The following IGSF21 variants were observed in gnomAD, a reference collection of about 807,000 sequenced individuals.
IGSF21 encodes immunoglobin superfamily member 21, also known as immunoglobulin superfamily member 21.
In IGSF21, 28 loss-of-function variants were observed where a neutral mutation model predicts 46.8. That is an observed-to-expected ratio of 0.60 (90% CI 0.44 to 0.82). IGSF21 has a LOEUF of 0.82. Ranked by LOEUF, IGSF21 falls within the 40% of genes least tolerant of loss-of-function variation. The probability of loss-of-function intolerance (pLI) is 0.00; values close to 1 mark genes in which losing one functional copy is unlikely to be tolerated. For missense variants in IGSF21, 624 were observed against 665.5 expected (o/e 0.94, Z 0.69); for synonymous variants, 284 against 273.6 (o/e 1.04, Z -0.38).
intron 2 of IGSF21, among the ~76,000 whole-genome samples, chr1:18,289,835 C>A (rs2085249390): frequency 6.6e-6 from 1 of 152,150 alleles, no homozygotes; most frequent in Non-Finnish European, 1.5e-5. Context: ...AGCAAAATCA[C>A]CCCCCAAGTG....
chr1:18,245,737 T>C (rs1173161217), intron 2 of IGSF21, among the ~76,000 whole-genome samples: 1 of 152,224 alleles, frequency 6.6e-6, no homozygotes, highest in Non-Finnish European at 1.5e-5. Flanking sequence ...CTGTTTCCTC[T>C]GCTGCTGTTG....
At chr1:18,125,216 C>T (rs2086265905) in intron 1 of IGSF21, among the ~76,000 whole-genome samples, 2 of 152,168 alleles carry the variant, frequency 1.3e-5, no homozygotes, top group South Asian at 4.1e-4. Context: ...CTGCGGGAAC[C>T]CACCTTCTTC....
At chr1:18,225,263 G>A (rs868472388) in intron 1 of IGSF21, among the ~76,000 whole-genome samples, 9 of 151,972 alleles carry the variant, frequency 5.9e-5, no homozygotes, top group African/African-American at 1.5e-4. Context: ...CTAAGACTGA[G>A]TGCGTATGCA....
intron 2 of IGSF21, among the ~76,000 whole-genome samples, chr1:18,230,020 T>C (rs920253530): frequency 6.6e-6 from 1 of 152,184 alleles, no homozygotes; most frequent in Non-Finnish European, 1.5e-5. Flanking sequence ...GGCACCTCAT[T>C]GCCTTCCAAG....
At chr1:18,215,272 C>G (rs1334992753) in intron 1 of IGSF21, among the ~76,000 whole-genome samples, 1 of 152,218 alleles carries the variant, frequency 6.6e-6, no homozygotes, top group Non-Finnish European at 1.5e-5. Context: ...TTCATTCATT[C>G]ATTCAATGTG....
chr1:18,293,249 G>A (rs1424956152), intron 3 of IGSF21, among the ~76,000 whole-genome samples: 1 of 152,198 alleles, frequency 6.6e-6, no homozygotes, highest in African/African-American at 2.4e-5. Context: ...AATGAAATTT[G>A]CAAAATGAGT....
intron 1 of IGSF21, among the ~76,000 whole-genome samples, chr1:18,120,239 G>C (rs1432769172): frequency 6.6e-6 from 1 of 152,340 alleles, no homozygotes; most frequent in South Asian, 2.1e-4. Context: ...TGGAGGAGTA[G>C]ATGTAACCAG....
chr1:18,176,526 A>G (rs1194699673), intron 1 of IGSF21, among the ~76,000 whole-genome samples: 1 of 152,194 alleles, frequency 6.6e-6, no homozygotes, highest in Non-Finnish European at 1.5e-5. Flanking sequence ...GATACAATCT[A>G]ATAAGTAGGG....
At chr1:18,147,981 C>A (rs1006497200) in intron 1 of IGSF21, among the ~76,000 whole-genome samples, 1 of 152,068 alleles carries the variant, frequency 6.6e-6, no homozygotes, top group Non-Finnish European at 1.5e-5. Flanking sequence ...TGTTTTCCTG[C>A]AGAAGTTTTC....
intron 2 of IGSF21, among the ~76,000 whole-genome samples, chr1:18,267,047 T>C (rs1198304256): frequency 2.6e-5 from 4 of 152,198 alleles, no homozygotes; most frequent in Non-Finnish European, 5.9e-5. Flanking sequence ...GTCTCTGCCC[T>C]TGGAGAGCCC....
chr1:18,321,987 G>T (rs1434364310), intron 3 of IGSF21, among the ~76,000 whole-genome samples: 1 of 152,178 alleles, frequency 6.6e-6, no homozygotes, highest in Non-Finnish European at 1.5e-5. Flanking sequence ...TTTACAGATG[G>T]GGAAACTGAG....
At chr1:18,303,746 G>A (rs2085384510) in intron 3 of IGSF21, among the ~76,000 whole-genome samples, 1 of 152,208 alleles carries the variant, frequency 6.6e-6, no homozygotes, top group Non-Finnish European at 1.5e-5. Flanking sequence ...CCATGGAGCT[G>A]ACATTCCCAG....
At chr1:18,371,266 T>C (rs2086220817) in intron 6 of IGSF21, among the ~76,000 whole-genome samples, 1 of 152,230 alleles carries the variant, frequency 6.6e-6, no homozygotes, top group African/African-American at 2.4e-5. Context: ...TTAGCATGGA[T>C]GGAGCTCAAA....
intron 2 of IGSF21, among the ~76,000 whole-genome samples, chr1:18,267,186 T>C (rs1167580502): frequency 6.6e-6 from 1 of 152,176 alleles, no homozygotes; most frequent in African/African-American, 2.4e-5. Flanking sequence ...GACACTGATA[T>C]AAGCAGAAAA....
chr1:18,177,392 GGTGTGTGT>G (rs3041401), intron 1 of IGSF21, among the ~76,000 whole-genome samples: 77 of 125,064 alleles, frequency 6.2e-4, no homozygotes, highest in African/African-American at 1.3e-3. Flanking sequence ...GGGTCAGTGA[GGTGTGTGT>G]GTGTGTGTGT....
At chr1:18,372,135 A>ATCCG (rs576150654) in intron 6 of IGSF21, among the ~76,000 whole-genome samples, 2 of 152,328 alleles carry the variant, frequency 1.3e-5, no homozygotes, top group South Asian at 4.1e-4. Flanking sequence ...GGTCTTCTTT[A>ATCCG]TCCGCCTAGT....
intron 1 of IGSF21, among the ~76,000 whole-genome samples, chr1:18,157,866 TCTC>T (rs2086581936): frequency 6.6e-6 from 1 of 151,926 alleles, no homozygotes; most frequent in Non-Finnish European, 1.5e-5. Context: ...TCCCATAGGG[TCTC>T]CTCCATCAGA....
At chr1:18,305,914 G>A (rs1320135797) in intron 3 of IGSF21, among the ~76,000 whole-genome samples, 1 of 152,192 alleles carries the variant, frequency 6.6e-6, no homozygotes, top group Non-Finnish European at 1.5e-5. Context: ...TATCCCAGTA[G>A]CGATGGAGCT....
intron 3 of IGSF21, among the ~76,000 whole-genome samples, chr1:18,307,126 C>T (rs1179172322): frequency 6.6e-6 from 1 of 151,840 alleles, no homozygotes; most frequent in Non-Finnish European, 1.5e-5. Context: ...CTTGACAGGG[C>T]ATTTGTTTGG....
Sources: allele counts gnomAD v4.1 joint callset (sites outside exome capture counted in the v4.1 genomes callset), GRCh38; gene constraint gnomAD v4.1.1; transcripts MANE v1.5; gene names NCBI Gene and HGNC (gene_info 2026-07-23, HGNC 2026-07-21).